Variants in CSMD2 observed in about 807,000 individuals in gnomAD.
The protein encoded by CSMD2 is CUB and Sushi multiple domains 2, also known as CUB and sushi domain-containing protein 2.
CSMD2 carries 130 observed loss-of-function variants against 398.5 expected under a neutral mutation model. The ratio of observed to expected loss-of-function variants is 0.33; its 90% CI spans 0.28 to 0.38. The LOEUF is 0.38. Ranked by LOEUF, CSMD2 falls within the 10% of genes least tolerant of loss-of-function variation. The pLI is 1.00. For synonymous variants in CSMD2, 1,828 were observed against 1,908.5 expected, an observed-to-expected ratio of 0.96 and a Z score of 1.10; for missense variants, 3,829 against 4,764.9, an observed-to-expected ratio of 0.80 and a Z score of 5.78.
chr1:33,880,683 TTTCAAAGGCATCA>T (rs1641175237), intron 5 of CSMD2, among the ~76,000 whole-genome samples: 1 of 152,202 alleles, frequency 6.6e-6, no homozygotes, highest in Admixed American at 6.5e-5. Flanking sequence ...ACAGGATTTA[TTTCAAAGGCATCA>T]TTCTTGTGGC....
Position 33,569,483 on chromosome 1 carries a change from G to A in CSMD2, c.8022C>T (p.Tyr2674=), listed in dbSNP as rs986743873. ...NGHRIGTLSV[Y]GATAIFSCNS... is the part of the protein sequence containing the mutation. ...TGCAGGAGAAGATGGCTGTTGCCCCGTAGACAGACAGTGTTCCGATGCGGT... is the reference window on the plus strand; with the variant it reads ...TGCAGGAGAAGATGGCTGTTGCCCCATAGACAGACAGTGTTCCGATGCGGT... The change falls in exon 52 of 71, where the codon TAC becomes TAT. Residue 2674 remains tyrosine, a synonymous_variant. Coordinates refer to ENST00000373381, the MANE Select transcript of CSMD2 (RefSeq NM_001281956.2). The A allele has an allele frequency of 1.1e-5, 17 of 1,614,174 alleles. No individual in the cohort carries two copies. The highest frequency in any genetic ancestry group is 3.3e-4 in the Middle Eastern group (2 of 6,062).
intron 53 of CSMD2, among the ~76,000 whole-genome samples, chr1:33,564,561 A>G (rs1265395018): frequency 6.6e-6 from 1 of 152,198 alleles, no homozygotes; most frequent in Non-Finnish European, 1.5e-5. Context: ...CTGAATACAG[A>G]TGGAACTTTA....
chr1:33,966,451 G>A (rs1239513322), intron 3 of CSMD2, among the ~76,000 whole-genome samples: 1 of 152,226 alleles, frequency 6.6e-6, no homozygotes, highest in East Asian at 1.9e-4. Context: ...AGCTAGTGAA[G>A]AAACCTTGTT....
At chr1:33,726,821 T>A in intron 15 of CSMD2, 136 bp from the exon 16 acceptor site, 1 of 1,000,276 alleles carries the variant, frequency 1.0e-6, no homozygotes, top group Non-Finnish European at 1.4e-6. Flanking sequence ...CTATAAACTG[T>A]GAGTTTTGTC....
At chr1:33,999,937 G>T (rs1646848385) in intron 3 of CSMD2, among the ~76,000 whole-genome samples, 1 of 152,162 alleles carries the variant, frequency 6.6e-6, no homozygotes, top group African/African-American at 2.4e-5. Context: ...ACTGAAAAGG[G>T]AGATTTCTTT....
At chr1:34,031,256 T>C (rs2148149029) in intron 3 of CSMD2, among the ~76,000 whole-genome samples, 1 of 152,078 alleles carries the variant, frequency 6.6e-6, no homozygotes, top group African/African-American at 2.4e-5. Flanking sequence ...AGAGACGGGA[T>C]TTTGTCCTGT....
chr1:33,878,139 T>C (rs971577556), intron 5 of CSMD2: 2 of 152,294 alleles, frequency 1.3e-5, no homozygotes, highest in Non-Finnish European at 2.9e-5. Flanking sequence ...TCTGCCCATG[T>C]ATTTGTTCAG....
At position 33,514,565 on chromosome 1, in the gene CSMD2, G is replaced by A. The variant is rs1157239714; in HGVS notation, c.*2059C>T. On this transcript the variant is annotated 3_prime_UTR_variant, in exon 71 of 71. Coordinates refer to ENST00000373381, the MANE Select transcript of CSMD2 (RefSeq NM_001281956.2). ...ATCTCATGGAACTTTACAAGGAGACGCAGGGGAGGGGTGGGGGGCGGGAAT... is the reference window on the plus strand; with the variant it reads ...ATCTCATGGAACTTTACAAGGAGACACAGGGGAGGGGTGGGGGGCGGGAAT... 1 of 120,748 alleles carries A rather than the reference G, an allele frequency of 8.3e-6. No homozygotes were observed. The highest frequency in any genetic ancestry group is 1.7e-5 in the Non-Finnish European group (1 of 59,728). The allele number at this position is 120,748 out of a possible 1,614,324, so 7.5% of individuals were successfully genotyped here. A position where few individuals can be genotyped will look rare whatever the true frequency, so the allele number is the denominator to read the frequency against.
chr1:33,540,086 G>A (rs550940900), intron 60 of CSMD2, among the ~76,000 whole-genome samples: 6 of 152,166 alleles, frequency 3.9e-5, no homozygotes, highest in Admixed American at 3.9e-4. Flanking sequence ...TAGATTTGGG[G>A]CTCCTCAGGA....
At chr1:33,605,674 T>G (rs1166429310) in intron 41 of CSMD2, among the ~76,000 whole-genome samples, 1 of 152,200 alleles carries the variant, frequency 6.6e-6, no homozygotes, top group African/African-American at 2.4e-5. Flanking sequence ...CTAAGTAGGA[T>G]AACACATACA....
In CSMD2 at chr1:33,919,898, G is replaced by A. The variant is rs56273476; in HGVS notation, c.713-1597C>T. Among the ~76,000 whole-genome samples the A allele has an allele frequency of 2.6e-3, 399 of 152,280 alleles. 1 individual carries two copies. The highest frequency in any genetic ancestry group is 9.1e-3 in the African/African-American group (378 of 41,540). On this transcript the variant is annotated intron_variant, in intron 4 of 70. Transcript: ENST00000373381. ...TGTCAGCCACTGTTCTAGGTGCTGG[G>A]GATTCAGCTGTGAATAAAACAAAAA...
intron 32 of CSMD2, among the ~76,000 whole-genome samples, chr1:33,628,480 C>A (rs1255729935): frequency 6.6e-6 from 1 of 151,954 alleles, no homozygotes; most frequent in Non-Finnish European, 1.5e-5. Context: ...ACCAGCCTGA[C>A]CAACATGGTG....
chr1:33,769,028 T>C (rs1650917038), intron 13 of CSMD2, among the ~76,000 whole-genome samples: 1 of 152,234 alleles, frequency 6.6e-6, no homozygotes, highest in Non-Finnish European at 1.5e-5. Context: ...AATGGATTGA[T>C]AATTGGTTTC....
intron 6 of CSMD2, among the ~76,000 whole-genome samples, chr1:33,829,084 G>A (rs940151515): frequency 2.0e-5 from 3 of 152,194 alleles, no homozygotes; most frequent in Admixed American, 6.5e-5. Flanking sequence ...CATGGTCATC[G>A]GATGCATGCT....
At chr1:33,994,307 T>C (rs1057472906) in intron 3 of CSMD2, among the ~76,000 whole-genome samples, 1 of 151,988 alleles carries the variant, frequency 6.6e-6, no homozygotes. Context: ...GGAGAATGAG[T>C]GACAGGCAGG....
At chr1:34,134,590 T>C (rs1031428661) in intron 1 of CSMD2, among the ~76,000 whole-genome samples, 2 of 152,164 alleles carry the variant, frequency 1.3e-5, no homozygotes, top group East Asian at 1.9e-4. Context: ...CATAAATATG[T>C]AGAATCTCTC....
intron 1 of CSMD2, among the ~76,000 whole-genome samples, chr1:34,134,407 T>C (rs983523568): frequency 6.6e-6 from 1 of 152,174 alleles, no homozygotes; most frequent in Non-Finnish European, 1.5e-5. Context: ...TCCAAATAAG[T>C]AGTCACTACA....
intron 11 of CSMD2, among the ~76,000 whole-genome samples, chr1:33,791,134 T>C (rs1284578943): frequency 1.3e-5 from 2 of 152,248 alleles, no homozygotes; most frequent in Non-Finnish European, 2.9e-5. Flanking sequence ...TGGCCATTTT[T>C]CATTCAGCAT....
intron 47 of CSMD2, 36 bp downstream of exon 47, chr1:33,583,606 T>C (rs756266777): frequency 1.9e-6 from 3 of 1,597,548 alleles, no homozygotes; most frequent in Middle Eastern, 1.7e-4. Context: ...CCATGTCTTC[T>C]GCAGCAGAGA....
Sources: allele counts gnomAD v4.1 joint callset (sites outside exome capture counted in the v4.1 genomes callset), GRCh38; gene constraint gnomAD v4.1.1; transcripts MANE v1.5; gene names NCBI Gene and HGNC (gene_info 2026-07-23, HGNC 2026-07-21).